Variants in ERI3 observed in about 807,000 individuals in gnomAD.
The protein encoded by ERI3 is ERI1 exoribonuclease 3.
Under a neutral mutation model 44.4 loss-of-function variants are expected in ERI3, and 18 were observed. That is an observed-to-expected ratio of 0.41 (90% confidence interval 0.28 to 0.60). The LOEUF is 0.60. ERI3 is among the 20% of genes least tolerant of loss of function. The pLI is 0.36. For missense variants in ERI3, 294 were observed against 435.5 expected (o/e 0.68, Z 2.89); for synonymous variants, 183 against 164.8 (o/e 1.11, Z -0.84).
At chr1:44,257,247 T>C (rs1572128395) in intron 7 of ERI3, among the ~76,000 whole-genome samples, 1 of 152,212 alleles carries the variant, frequency 6.6e-6, no homozygotes, top group South Asian at 2.1e-4. Context: ...ATCGCATTAT[T>C]ACATCTCTAT....
Position 44,241,963 on chromosome 1 carries a change from C to G in ERI3, c.931+5976G>C, listed in dbSNP as rs2154317505. The G allele has an allele frequency of 1.0e-6, 1 of 985,724 alleles. No homozygotes were observed. The highest frequency in any genetic ancestry group is 4.7e-5 in the South Asian group (1 of 21,288). The allele number at this position is 985,724 out of a possible 1,614,324, so 61.1% of individuals were successfully genotyped here. On this transcript the variant is annotated intron_variant, in intron 8 of 8. Coordinates refer to ENST00000372257, the MANE Select transcript of ERI3 (RefSeq NM_024066.3). The surrounding 1 kb of genome is among the most constrained non-coding windows in gnomAD (Gnocchi z 5.6). ...TCTATGGTTGCTACTGAAGAACAGT[C>G]TGGTGTCTGGCAAGAACCAATTCCT...
intron 5 of ERI3, among the ~76,000 whole-genome samples, chr1:44,309,052 T>G (rs1260077656): frequency 1.3e-5 from 2 of 152,230 alleles, no homozygotes; most frequent in African/African-American, 4.8e-5. Context: ...AGCAGAATAT[T>G]TTGAAGGCTG....
chr1:44,269,148 T>C (rs1645043328), intron 7 of ERI3, among the ~76,000 whole-genome samples: 1 of 152,204 alleles, frequency 6.6e-6, no homozygotes, highest in Non-Finnish European at 1.5e-5. Context: ...GTCTCATGTT[T>C]AGATGGGAGC....
Position 44,333,403 on chromosome 1 carries a change from T to C in ERI3, c.489+5642A>G, listed in dbSNP as rs374362823. Among the ~76,000 whole-genome samples, 45 of 152,218 alleles carry C rather than the reference T, an allele frequency of 3.0e-4. 1 individual carries two copies. Among genetic ancestry groups the C allele is most frequent in the African/African-American group, 1.0e-3 (43 of 41,532 alleles). On this transcript the variant is annotated intron_variant, in intron 3 of 8. Coordinates refer to ENST00000372257, the MANE Select transcript of ERI3 (RefSeq NM_024066.3). ...AGGGACCACAATCCAAGGATTAGGC[T>C]CTCCAGGAAAAAGGCCTGGGCCCCA...
At chr1:44,264,502 C>T (rs1046035326) in intron 7 of ERI3, among the ~76,000 whole-genome samples, 2 of 152,248 alleles carry the variant, frequency 1.3e-5, no homozygotes, top group South Asian at 2.1e-4. Context: ...AGCAGCCCCG[C>T]GCCTGGACGG....
intron 2 of ERI3, among the ~76,000 whole-genome samples, chr1:44,345,871 A>G (rs532182887): frequency 3.9e-5 from 6 of 152,324 alleles, no homozygotes; most frequent in African/African-American, 1.4e-4. Context: ...ACTGCAAGAA[A>G]TAGTAAGAAT....
intron 3 of ERI3, among the ~76,000 whole-genome samples, chr1:44,328,616 A>T (rs1646364808): frequency 6.6e-6 from 1 of 152,148 alleles, no homozygotes; most frequent in South Asian, 2.1e-4. Flanking sequence ...ATTATATTTC[A>T]GTATATTCTA....
chr1:44,312,348 T>G (rs1186104589), intron 5 of ERI3, among the ~76,000 whole-genome samples: 1 of 152,126 alleles, frequency 6.6e-6, no homozygotes, highest in African/African-American at 2.4e-5. Context: ...GGGCTTTTTC[T>G]CTTCTCCCCT....
chr1:44,350,799 T>C (rs1291800264), intron 2 of ERI3, among the ~76,000 whole-genome samples: 1 of 151,954 alleles, frequency 6.6e-6, no homozygotes, highest in East Asian at 1.9e-4. Flanking sequence ...GGTCTCAGTA[T>C]CTTGACCAGG....
At chr1:44,313,302 C>A in intron 4 of ERI3, 74 bp from the exon 5 acceptor site, 1 of 1,419,412 alleles carries the variant, frequency 7.0e-7, no homozygotes, top group Non-Finnish European at 9.9e-7. Flanking sequence ...GGACCCCTTC[C>A]TTTCTGTTTT....
chr1:44,354,173 T>C (rs1490297612), intron 1 of ERI3: 22 of 985,462 alleles, frequency 2.2e-5, no homozygotes, highest in Non-Finnish European at 2.7e-5. Context: ...TAGCGTACAC[T>C]CTTTTAGCCA....
chr1:44,230,954 C>CT (rs987872092), intron 8 of ERI3, among the ~76,000 whole-genome samples: 1 of 152,206 alleles, frequency 6.6e-6, no homozygotes, highest in African/African-American at 2.4e-5. Flanking sequence ...ATCCAAAGTG[C>CT]TTGGAGACCA....
chr1:44,228,795 G>A lies in ERI3; in HGVS notation c.932-7155C>T, dbSNP rs1372595905. On this transcript the variant is annotated intron_variant, in intron 8 of 8. Coordinates refer to ENST00000372257, the MANE Select transcript of ERI3 (RefSeq NM_024066.3). This position sits in a 1 kb window ranked among gnomAD's most constrained non-coding sequence, Gnocchi z 4.3. ...AGCATAGCATCAAACCCCTTATGTC[G>A]CTTGCAGTGCATTTGGCCACCAGGA... Among the ~76,000 whole-genome samples, 1 of 152,156 alleles carries A rather than the reference G, an allele frequency of 6.6e-6. No homozygotes were observed. The highest frequency in any genetic ancestry group is 1.5e-5 in the Non-Finnish European group (1 of 68,034).
chr1:44,226,511 TGGA>T (rs898113231), intron 8 of ERI3, among the ~76,000 whole-genome samples: 3 of 151,764 alleles, frequency 2.0e-5, no homozygotes, highest in Non-Finnish European at 4.4e-5. Context: ...GCAGTGGAAA[TGGA>T]GGAGAAGATC....
intron 6 of ERI3, among the ~76,000 whole-genome samples, chr1:44,296,210 G>T (rs1440195069): frequency 6.6e-6 from 1 of 152,200 alleles, no homozygotes. Flanking sequence ...ATGGGGAGGA[G>T]AAGTCTCCAG....
intron 6 of ERI3, among the ~76,000 whole-genome samples, chr1:44,294,444 T>C (rs999639903): frequency 3.3e-5 from 5 of 152,208 alleles, no homozygotes; most frequent in Non-Finnish European, 7.3e-5. Flanking sequence ...TGTGGAACCA[T>C]ATGACAAGCA....
chr1:44,336,831 C>T (rs1646544876), intron 3 of ERI3, among the ~76,000 whole-genome samples: 1 of 152,192 alleles, frequency 6.6e-6, no homozygotes, highest in Non-Finnish European at 1.5e-5. Context: ...CTTAAGTGCC[C>T]TTGGAATCAC....
chr1:44,263,854 G>C (rs754620690), intron 7 of ERI3, among the ~76,000 whole-genome samples: 1 of 152,214 alleles, frequency 6.6e-6, no homozygotes, highest in Admixed American at 6.5e-5. Context: ...CCACCACCCA[G>C]GCATTCAAGT....
chr1:44,221,691 G>T lies in ERI3; in HGVS notation c.932-51C>A. ...TCAGCCCCAGATCCTTCCCCTCCATGCCCACAGGTGCTCTTACAAGGGTGG... is the reference window on the plus strand; with the variant it reads ...TCAGCCCCAGATCCTTCCCCTCCATTCCCACAGGTGCTCTTACAAGGGTGG... On this transcript the variant is annotated intron_variant, in intron 8 of 8. Coordinates refer to ENST00000372257, the MANE Select transcript of ERI3 (RefSeq NM_024066.3). This position sits in a 1 kb window ranked among gnomAD's most constrained non-coding sequence, Gnocchi z 5.9. 1 of 1,456,770 alleles carries T rather than the reference G, an allele frequency of 6.9e-7. No homozygotes were observed. The highest frequency in any genetic ancestry group is 9.6e-7 in the Non-Finnish European group (1 of 1,037,644). The allele number at this position is 1,456,770 out of a possible 1,614,324, so 90.2% of individuals were successfully genotyped here.
Sources: gnomAD v4.1 joint callset for allele counts (sites outside exome capture counted in the v4.1 genomes callset) on GRCh38, gnomAD v4.1.1 for gene constraint, Gnocchi (gnomAD v3.1) non-coding constraint, MANE v1.5 for transcripts, NCBI Gene and HGNC (gene_info 2026-07-23, HGNC 2026-07-21) for gene names.